RABGGTB: variants seen among roughly 807,000 people sequenced by gnomAD.
RABGGTB encodes Rab geranylgeranyltransferase subunit beta.
RABGGTB carries 20 observed loss-of-function variants against 44.5 expected under a neutral mutation model. That is an observed-to-expected ratio of 0.45 (90% confidence interval 0.32 to 0.65). The LOEUF is 0.65. Ranked by LOEUF, RABGGTB falls within the 30% of genes least tolerant of loss-of-function variation. The pLI is 0.05. For missense variants in RABGGTB, 302 were observed against 398.7 expected (o/e 0.76, Z 2.06); for synonymous variants, 128 against 136.7 (o/e 0.94, Z 0.44).
chr1:75,794,341 T>G, intron 8 of RABGGTB, 108 bp downstream of exon 8: 1 of 1,395,648 alleles, frequency 7.2e-7, no homozygotes, highest in Non-Finnish European at 9.7e-7. Context: ...TGAAAGCAGT[T>G]TTTTTTTCTA....
chr1:75,790,612 C>A, intron 4 of RABGGTB: 1 of 491,146 alleles, frequency 2.0e-6, no homozygotes, highest in Non-Finnish European at 2.6e-6. Flanking sequence ...TTTCTTTAAG[C>A]AGCTTAAGAT....
chr1:75,788,843 G>A (rs960633705), intron 2 of RABGGTB: 1 of 338,442 alleles, frequency 3.0e-6, no homozygotes. Flanking sequence ...TACTCTCCCT[G>A]AACTTCACTG....
intron 7 of RABGGTB, among the ~76,000 whole-genome samples, chr1:75,792,808 T>TA (rs1463050034): frequency 7.9e-5 from 12 of 152,138 alleles, no homozygotes; most frequent in Non-Finnish European, 1.5e-4. Flanking sequence ...GTGTTCCAAT[T>TA]ACAATTATTA....
rs1649737481 is a variant in RABGGTB at position 75,795,028 on chromosome 1, G to T, written c.*378G>T. On this transcript the variant is annotated 3_prime_UTR_variant, in exon 9 of 9. Coordinates refer to ENST00000319942, the MANE Select transcript of RABGGTB (RefSeq NM_004582.4). ...GAATGTTAACTGATGAAAGTGGATAGAACCCATACATGAATTAAATGATGC... is the reference window on the plus strand; with the variant it reads ...GAATGTTAACTGATGAAAGTGGATATAACCCATACATGAATTAAATGATGC... 3.8e-6 allele frequency: 1 copy of T among 262,182 alleles called. No individual in the cohort carries two copies. Among genetic ancestry groups the T allele is most frequent in the Non-Finnish European group, 7.5e-6 (1 of 132,706 alleles). The allele number at this position is 262,182 out of a possible 1,614,324, so 16.2% of individuals were successfully genotyped here. A position where few individuals can be genotyped will look rare whatever the true frequency, so the allele number is the denominator to read the frequency against.
At chr1:75,788,352 G>A (rs1649552153) in intron 2 of RABGGTB, 2 of 161,292 alleles carry the variant, frequency 1.2e-5, no homozygotes, top group Non-Finnish European at 2.7e-5. Flanking sequence ...TGCCCAGACT[G>A]GAGGACAGCG....
chr1:75,791,595 A>G (rs1298141431), intron 6 of RABGGTB, 24 bp downstream of exon 6: 2 of 1,546,428 alleles, frequency 1.3e-6, no homozygotes, highest in Admixed American at 1.9e-5. Flanking sequence ...ACAGATGAAA[A>G]TGTATTGTCA....
intron 3 of RABGGTB, chr1:75,789,572 G>A (rs1411043239): frequency 1.3e-6 from 1 of 752,722 alleles, no homozygotes; most frequent in Non-Finnish European, 2.4e-6. Context: ...TTTATCTTCA[G>A]TATGTGTAAA....
intron 7 of RABGGTB, 28 bp downstream of exon 7, chr1:75,792,334 A>G (rs754983685): frequency 1.3e-5 from 21 of 1,608,822 alleles, no homozygotes; most frequent in Non-Finnish European, 1.8e-5. Context: ...ATATTCTGCT[A>G]GCTTTAGAAC....
upstream of RABGGTB, chr1:75,786,223 C>A: frequency 6.2e-7 from 1 of 1,613,420 alleles, no homozygotes. Flanking sequence ...GCGCCCGGCT[C>A]CTAAGTCTAC....
At chr1:75,788,647 CCTAATA>C in intron 2 of RABGGTB, 1 of 156,436 alleles carries the variant, frequency 6.4e-6, no homozygotes, top group South Asian at 1.9e-4. Flanking sequence ...TTTCTGGAAT[CCTAATA>C]CTAATTTTCA....
chr1:75,786,561 CT>C (rs539360865), intron 1 of RABGGTB: 2,124 of 363,972 alleles, frequency 5.8e-3, no homozygotes, highest in Middle Eastern at 0.01. Flanking sequence ...TGATTGGTGG[CT>C]TTTTTTTTTC....
At chr1:75,792,108 T>C in intron 6 of RABGGTB, 73 bp from the exon 7 acceptor site, 1 of 1,343,240 alleles carries the variant, frequency 7.4e-7, no homozygotes, top group Non-Finnish European at 1.0e-6. Flanking sequence ...AGTGGTGTTT[T>C]AATAATTTGA....
Position 75,789,250 on chromosome 1 carries a change from G to A in RABGGTB, c.203G>A (p.Arg68Lys), listed in dbSNP as rs748832608. 3 of 1,614,102 alleles carry A rather than the reference G, an allele frequency of 1.9e-6. No individual in the cohort carries two copies. In the South Asian group the frequency reaches 3.3e-5, roughly 18 times the overall value. Residue 68 changes from arginine to lysine, a missense_variant, in exon 3 of 9, where the codon AGA becomes AAA. By Grantham distance (26) the Arg-to-Lys change is conservative. Coordinates refer to ENST00000319942, the MANE Select transcript of RABGGTB (RefSeq NM_004582.4). Reference protein sequence around the residue: ...DLMGQLHRMNREEILAFIKSC... With the variant: ...DLMGQLHRMNKEEILAFIKSC... ...ATGGGACAACTTCATCGCATGAATA[G>A]AGAAGAGATTCTGGCATTTATTAAG... is the stretch of plus-strand genomic sequence containing the variant.
chr1:75,792,033 T>C, intron 6 of RABGGTB, 148 bp from the exon 7 acceptor site: 1 of 646,148 alleles, frequency 1.5e-6, no homozygotes, highest in Non-Finnish European at 2.6e-6. Flanking sequence ...TTTTTTCAGA[T>C]ATGTGGTATT....
intron 4 of RABGGTB, chr1:75,790,580 T>G: frequency 2.7e-6 from 2 of 731,500 alleles, no homozygotes; most frequent in Non-Finnish European, 3.3e-6. Context: ...TTCTTCTCTT[T>G]GGTTTTCTTC....
At chr1:75,787,141 C>T (rs1168160889) in intron 1 of RABGGTB, 1 of 557,434 alleles carries the variant, frequency 1.8e-6, no homozygotes, top group South Asian at 1.4e-5. Flanking sequence ...TAGAATTACT[C>T]TGAGACCTGA....
At chr1:75,787,224 TG>T in intron 1 of RABGGTB, 1 of 627,416 alleles carries the variant, frequency 1.6e-6, no homozygotes, top group Non-Finnish European at 3.0e-6. Flanking sequence ...AATTTGTTGT[TG>T]TTGTTGTTGT....
chr1:75,786,218 C>A (rs568475112), upstream of RABGGTB: 3 of 1,612,382 alleles, frequency 1.9e-6, no homozygotes, highest in East Asian at 4.5e-5. Flanking sequence ...CGCAGGCGCC[C>A]GGCTCCTAAG....
chr1:75,794,690 T>G lies in RABGGTB; in HGVS notation c.*40T>G. 5 of 1,486,682 alleles carry G rather than the reference T, an allele frequency of 3.4e-6. No individual in the cohort carries two copies. The African/African-American group carries it at 5.5e-5, about 16-fold the overall frequency. 92.1% of individuals were successfully genotyped at this position (1,486,682 alleles called of 1,614,324 possible). ...AAGTTGCATAGTATAGTTTTGCCAT[T>G]TTAACATTTCTGTATTTGAAGTGCT... On this transcript the variant is annotated 3_prime_UTR_variant, in exon 9 of 9. Coordinates refer to ENST00000319942, the MANE Select transcript of RABGGTB (RefSeq NM_004582.4).
Sources: gnomAD v4.1 joint callset for allele counts (sites outside exome capture counted in the v4.1 genomes callset) on GRCh38, gnomAD v4.1.1 for gene constraint, MANE v1.5 for transcripts, NCBI Gene and HGNC (gene_info 2026-07-23, HGNC 2026-07-21) for gene names.